EDA: variants seen among roughly 807,000 people sequenced by gnomAD.
EDA encodes the protein ectodysplasin A, also known as ectodysplasin-A.
EDA carries 2 observed loss-of-function variants against 23.6 expected under a neutral mutation model. The ratio of observed to expected loss-of-function variants is 0.08; its 90% CI spans 0.03 to 0.27. The LOEUF (loss-of-function observed/expected upper bound fraction) is 0.27. Among genes scored for constraint, EDA ranks in the 10% least tolerant of loss-of-function variants. The pLI is 1.00. For missense variants in EDA, 229 were observed against 324.2 expected (o/e 0.71, Z 2.26); for synonymous variants, 131 against 132.0 (o/e 0.99, Z 0.05).
intron 1 of EDA, among the ~76,000 whole-genome samples, chrX:69,763,536 A>G (rs753870657): frequency 2.4e-4 from 27 of 112,229 alleles, no homozygotes; most frequent in African/African-American, 7.8e-4. Context: ...TGCCTACACA[A>G]TGCTGCAACT....
At chrX:70,020,718 A>T (rs930297819) in intron 2 of EDA, among the ~76,000 whole-genome samples, 4 of 112,132 alleles carry the variant, frequency 3.6e-5, no homozygotes, top group Admixed American at 9.4e-5. Flanking sequence ...GAAAAACTGG[A>T]CCCAATCTAA....
At chrX:69,815,754 G>C (rs2016066850) in intron 1 of EDA, among the ~76,000 whole-genome samples, 1 of 112,521 alleles carries the variant, frequency 8.9e-6, no homozygotes, top group African/African-American at 3.2e-5. Context: ...AGCCGCTCCA[G>C]CTTGCTGGCT....
intron 1 of EDA, among the ~76,000 whole-genome samples, chrX:69,943,460 C>A (rs1256294675): frequency 9.0e-6 from 1 of 111,559 alleles, no homozygotes; most frequent in East Asian, 2.8e-4. Flanking sequence ...TGGGTAAGAT[C>A]TGGGAGAATT....
At chrX:69,689,128 C>T (rs1314361034) in intron 1 of EDA, among the ~76,000 whole-genome samples, 1 of 111,545 alleles carries the variant, frequency 9.0e-6, no homozygotes, top group Non-Finnish European at 1.9e-5. Flanking sequence ...CTTATGCCAG[C>T]AGTACTACAT....
In EDA at chrX:69,918,173, T is replaced by C. The variant is rs541606874; in HGVS notation, c.397-38854T>C. Among the ~76,000 whole-genome samples, 7 of 79,137 alleles carry C rather than the reference T, an allele frequency of 8.8e-5. No homozygotes were observed. The East Asian group carries it at 1.4e-3, about 16-fold the overall frequency. The allele number at this position is 79,137 out of a possible 115,157, so 68.7% of individuals were successfully genotyped here. A position where few individuals can be genotyped will look rare whatever the true frequency, so the allele number is the denominator to read the frequency against. The stretch of plus-strand genomic sequence containing the variant: ...GCTTTTTTTTTTTTTTTTTTTTTTT[T>C]CCAGACAGAGTCTTCCTCTGTCACC... On this transcript the variant is annotated intron_variant, in intron 1 of 7. Transcript: ENST00000374552.
intron 6 of EDA, among the ~76,000 whole-genome samples, chrX:70,031,258 C>G (rs1320531548): frequency 8.9e-6 from 1 of 112,198 alleles, no homozygotes; most frequent in Non-Finnish European, 1.9e-5. Context: ...CCCAATATTT[C>G]TTAGTCAAGT....
At chrX:69,689,847 A>G (rs1934658996) in intron 1 of EDA, among the ~76,000 whole-genome samples, 1 of 111,382 alleles carries the variant, frequency 9.0e-6, no homozygotes, top group Admixed American at 9.5e-5. Context: ...TCTTTCAACA[A>G]TATTTTGTAG....
At chrX:69,785,299 A>G (rs371632182) in intron 1 of EDA, among the ~76,000 whole-genome samples, 11,120 of 66,754 alleles carry the variant, frequency 0.17, 1,375 homozygotes, top group Middle Eastern at 0.42. Flanking sequence ...TCTCCTGCCT[A>G]ATTGCCCTGG....
chrX:69,647,670 C>G (rs1932967643), intron 1 of EDA, among the ~76,000 whole-genome samples: 1 of 111,669 alleles, frequency 9.0e-6, no homozygotes, highest in Admixed American at 9.6e-5. Flanking sequence ...TATTATCCAC[C>G]TTCTGAAGCC....
At chrX:69,744,038 T>C (rs747515329) in intron 1 of EDA, among the ~76,000 whole-genome samples, 2 of 111,795 alleles carry the variant, frequency 1.8e-5, no homozygotes, top group South Asian at 7.5e-4. Context: ...AGCAAGTGGA[T>C]GCCTCCTGTT....
intron 1 of EDA, among the ~76,000 whole-genome samples, chrX:69,802,167 T>C (rs1165224638): frequency 9.0e-6 from 1 of 110,587 alleles, no homozygotes; most frequent in African/African-American, 3.3e-5. Context: ...GTGAATACTA[T>C]ATACTAGAGG....
rs187235422 is a variant in EDA, at chrX:70,008,961, T to A, written c.503-14257T>A. Among the ~76,000 whole-genome samples the A allele has an allele frequency of 5.4e-5, 6 of 112,130 alleles. No homozygotes were observed. In the East Asian group the frequency reaches 1.7e-3, roughly 31 times the overall value. Reference sequence around the variant, plus strand: ...TTGTCAATTCAATTTTTTTATTACATATAGGCCTACACAGATTACCTGTTT... The same window carrying A: ...TTGTCAATTCAATTTTTTTATTACAAATAGGCCTACACAGATTACCTGTTT... On this transcript the variant is annotated intron_variant, in intron 2 of 7. Transcript: ENST00000374552.
chrX:69,846,140 ATGGTCTGGTTTACTAG>A (rs2017001150), intron 1 of EDA, among the ~76,000 whole-genome samples: 1 of 112,621 alleles, frequency 8.9e-6, no homozygotes, highest in African/African-American at 3.2e-5. Context: ...AAATTCAAAC[ATGGTCTGGTTTACTAG>A]TGGCCAAACT....
At chrX:69,759,164 C>G (rs2014220868) in intron 1 of EDA, among the ~76,000 whole-genome samples, 1 of 112,166 alleles carries the variant, frequency 8.9e-6, no homozygotes, top group South Asian at 3.7e-4. Flanking sequence ...CATCATTCCC[C>G]AATACAGCAT....
intron 1 of EDA, among the ~76,000 whole-genome samples, chrX:69,639,305 A>G (rs746595322): frequency 5.4e-5 from 6 of 111,666 alleles, no homozygotes; most frequent in Admixed American, 9.5e-5. Flanking sequence ...GCTGAGTTGT[A>G]TGGTAATTCT....
intron 1 of EDA, among the ~76,000 whole-genome samples, chrX:69,932,793 C>T (rs1487167505): frequency 9.0e-6 from 1 of 111,462 alleles, no homozygotes; most frequent in African/African-American, 3.3e-5. Context: ...CTGTTTAGTT[C>T]TTCTATTGAC....
chrX:69,882,974 C>T (rs1488427097), intron 1 of EDA, among the ~76,000 whole-genome samples: 3 of 112,493 alleles, frequency 2.7e-5, no homozygotes, highest in African/African-American at 9.7e-5. Context: ...TCCCAAAGTG[C>T]TGGGATTACA....
chrX:69,664,978 C>A (rs1382198500), intron 1 of EDA, among the ~76,000 whole-genome samples: 1 of 111,889 alleles, frequency 8.9e-6, no homozygotes, highest in Non-Finnish European at 1.9e-5. Context: ...ACATTGTTAT[C>A]TTTTGACTTT....
intron 1 of EDA, among the ~76,000 whole-genome samples, chrX:69,794,304 G>A (rs955204783): frequency 2.7e-5 from 3 of 111,281 alleles, no homozygotes; most frequent in African/African-American, 9.8e-5. Context: ...TAAAGTTTTC[G>A]GCCTTTAGCC....
Sources: allele counts gnomAD v4.1 joint callset (sites outside exome capture counted in the v4.1 genomes callset), GRCh38; gene constraint gnomAD v4.1.1; transcripts MANE v1.5; gene names NCBI Gene and HGNC (gene_info 2026-07-23, HGNC 2026-07-21).